Variants in SGCD observed in about 807,000 individuals in gnomAD.
SGCD encodes delta-sarcoglycan.
Under a neutral mutation model 36.6 loss-of-function variants are expected in SGCD, and 18 were observed. The observed-to-expected ratio is 0.49, with a 90% CI of 0.34 to 0.73. The LOEUF is 0.73. Among genes scored for constraint, SGCD ranks in the 30% least tolerant of loss-of-function variants. The pLI, the probability that SGCD is intolerant of heterozygous loss-of-function variation, is 0.01. For missense variants in SGCD, 387 were observed against 346.7 expected (o/e 1.12, Z -0.92); for synonymous variants, 133 against 130.6 (o/e 1.02, Z -0.12).
At chr5:156,106,845 C>G (rs752813037) in intron 1 of SGCD, among the ~76,000 whole-genome samples, 1 of 152,114 alleles carries the variant, frequency 6.6e-6, no homozygotes. Flanking sequence ...TGACATTTAT[C>G]TTTAATTTGT....
chr5:156,467,607 T>A (rs1390628820), intron 3 of SGCD, among the ~76,000 whole-genome samples: 1 of 152,244 alleles, frequency 6.6e-6, no homozygotes, highest in Non-Finnish European at 1.5e-5. Context: ...TCTGCAACTA[T>A]CATTGTATTA....
intron 7 of SGCD, among the ~76,000 whole-genome samples, chr5:156,683,114 A>G (rs1753781983): frequency 6.6e-6 from 1 of 152,190 alleles, no homozygotes; most frequent in Non-Finnish European, 1.5e-5. Context: ...GCCAAGCCTT[A>G]AAGGAAACAG....
At chr5:155,872,941 A>G (rs1195384045) in intron 1 of SGCD, among the ~76,000 whole-genome samples, 2 of 152,218 alleles carry the variant, frequency 1.3e-5, no homozygotes, top group African/African-American at 2.4e-5. Flanking sequence ...GTAAAGGGCT[A>G]GGGCATCTTT....
intron 6 of SGCD, among the ~76,000 whole-genome samples, chr5:156,623,365 A>G (rs1349770370): frequency 6.6e-6 from 1 of 152,214 alleles, no homozygotes; most frequent in Non-Finnish European, 1.5e-5. Context: ...ATCCAGAATC[A>G]TGAGCCCAAA....
intron 4 of SGCD, among the ~76,000 whole-genome samples, chr5:156,547,322 T>G (rs1442306274): frequency 6.6e-6 from 1 of 152,122 alleles, no homozygotes; most frequent in Non-Finnish European, 1.5e-5. Flanking sequence ...CTCCTGACCT[T>G]GCCACATATC....
At chr5:156,602,138 G>C (rs946880427) in intron 6 of SGCD, among the ~76,000 whole-genome samples, 15 of 151,280 alleles carry the variant, frequency 9.9e-5, no homozygotes, top group Non-Finnish European at 2.1e-4. Context: ...ATGTTGTATA[G>C]TTTTCAGTAT....
rs559635337 is a variant in SGCD at position 156,022,540 on chromosome 5, A to G, written c.-281-95338A>G. On this transcript the variant is annotated intron_variant, in intron 1 of 9. Coordinates refer to the SGCD transcript ENST00000517913. ...CATTATCAGAGCATGAAAACATAAC[A>G]CATTTTATAACTTCAATTATAGAAG... Among the ~76,000 whole-genome samples, 30 of 152,306 alleles carry G rather than the reference A, an allele frequency of 2.0e-4. No homozygotes were observed. In the Middle Eastern group the frequency reaches 0.014, roughly 69 times the overall value.
intron 3 of SGCD, among the ~76,000 whole-genome samples, chr5:156,496,004 T>C (rs1321308370): frequency 6.6e-6 from 1 of 152,136 alleles, no homozygotes; most frequent in African/African-American, 2.4e-5. Flanking sequence ...GCAAGAGTTT[T>C]TCCAAGAATT....
intron 3 of SGCD, among the ~76,000 whole-genome samples, chr5:156,218,106 T>C (rs1469225659): frequency 6.6e-6 from 1 of 152,068 alleles, no homozygotes; most frequent in Non-Finnish European, 1.5e-5. Context: ...AAACCCCGTC[T>C]CTACTAAAAA....
intron 1 of SGCD, among the ~76,000 whole-genome samples, chr5:156,009,174 C>A (rs1478598210): frequency 6.6e-6 from 1 of 152,188 alleles, no homozygotes; most frequent in African/African-American, 2.4e-5. Context: ...TTTATTGACA[C>A]AGTGATGTCC....
At chr5:156,329,434 C>T (rs1177195674) in intron 1 of SGCD, 100 bp from the exon 2 acceptor site, 11 of 836,942 alleles carry the variant, frequency 1.3e-5, no homozygotes, top group Middle Eastern at 2.3e-4. Context: ...TCAGAAAGCA[C>T]ATTTTGTAAG....
At position 156,363,497 on chromosome 5, in the gene SGCD, A is replaced by G. The variant is rs553392829; in HGVS notation, c.192+18820A>G. Among the ~76,000 whole-genome samples the G allele has an allele frequency of 4.6e-5, 7 of 152,244 alleles. No individual in the cohort carries two copies. The East Asian group carries it at 1.4e-3, about 29-fold the overall frequency. ...CTCATTAAGTTACCTAGGTTTTTTTAGTCTATTTGAATGACAGCTCAAATT... is the reference window on the plus strand; with the variant it reads ...CTCATTAAGTTACCTAGGTTTTTTTGGTCTATTTGAATGACAGCTCAAATT... On this transcript the variant is annotated intron_variant, in intron 3 of 8. Coordinates refer to ENST00000337851, the MANE Select transcript of SGCD (RefSeq NM_000337.6).
At chr5:156,710,159 T>A (rs764593399) in intron 7 of SGCD, among the ~76,000 whole-genome samples, 3 of 152,168 alleles carry the variant, frequency 2.0e-5, no homozygotes, top group Non-Finnish European at 4.4e-5. Context: ...TAGGAGCTTT[T>A]TAAAAATTCA....
intron 1 of SGCD, among the ~76,000 whole-genome samples, chr5:155,933,032 G>GGAT (rs1401092140): frequency 6.6e-6 from 1 of 152,196 alleles, no homozygotes; most frequent in African/African-American, 2.4e-5. Flanking sequence ...AAAACCAAGA[G>GGAT]GGTTAGTATG....
chr5:156,132,938 T>C (rs1762363413), intron 3 of SGCD, among the ~76,000 whole-genome samples: 1 of 152,208 alleles, frequency 6.6e-6, no homozygotes, highest in Non-Finnish European at 1.5e-5. Flanking sequence ...AAGAGAAGAA[T>C]CTGGCTGGAT....
At chr5:156,578,852 T>C (rs900111930) in intron 4 of SGCD, among the ~76,000 whole-genome samples, 2 of 152,220 alleles carry the variant, frequency 1.3e-5, no homozygotes, top group Non-Finnish European at 2.9e-5. Context: ...TTGTTGATCT[T>C]TTCAAAAAAC....
At chr5:156,650,328 A>AT (rs1263450796) in intron 7 of SGCD, among the ~76,000 whole-genome samples, 2 of 152,022 alleles carry the variant, frequency 1.3e-5, no homozygotes, top group Non-Finnish European at 1.5e-5. Context: ...GAAAGCATGA[A>AT]TTTTTTTTAA....
At chr5:156,033,175 C>T (rs1199911177) in intron 1 of SGCD, among the ~76,000 whole-genome samples, 1 of 151,934 alleles carries the variant, frequency 6.6e-6, no homozygotes, top group Non-Finnish European at 1.5e-5. Flanking sequence ...TGTTGAGATC[C>T]TTGTGAATTG....
intron 4 of SGCD, among the ~76,000 whole-genome samples, chr5:156,515,222 G>GAA (rs141294232): frequency 6.6e-5 from 10 of 151,398 alleles, no homozygotes; most frequent in African/African-American, 1.5e-4. Context: ...CAGTCTTTCT[G>GAA]AAAAAAAATA....
Sources: allele counts gnomAD v4.1 joint callset (sites outside exome capture counted in the v4.1 genomes callset), GRCh38; gene constraint gnomAD v4.1.1; transcripts MANE v1.5; gene names NCBI Gene and HGNC (gene_info 2026-07-23, HGNC 2026-07-21).